The following OCA2 variants were observed in gnomAD, a reference collection of about 807,000 sequenced individuals.
The protein encoded by OCA2 is OCA2 melanosomal transmembrane protein, also known as P protein.
In OCA2, 77 loss-of-function variants were observed where a neutral mutation model predicts 100.2. The ratio of observed to expected loss-of-function variants is 0.77; its 90% CI spans 0.64 to 0.93. The LOEUF is 0.93. Among genes scored for constraint, OCA2 ranks in the 40% least tolerant of loss-of-function variants. The pLI is 0.00. For synonymous variants in OCA2, 432 were observed against 439.2 expected, an observed-to-expected ratio of 0.98 and a Z score of 0.21; for missense variants, 1,062 against 1,089.1, an observed-to-expected ratio of 0.98 and a Z score of 0.35.
chr15:27,731,324 A>C, the OCA2 span, among the ~76,000 whole-genome samples: 1 of 152,234 alleles, frequency 6.6e-6, no homozygotes. Context: ...GTTCTCAGTG[A>C]GAAAATTACC....
At chr15:28,081,509 A>G in intron 2 of OCA2, 139 bp downstream of exon 2, 1 of 730,570 alleles carries the variant, frequency 1.4e-6, no homozygotes, top group South Asian at 1.6e-5. Flanking sequence ...AAACTAAGCC[A>G]GGAAAGTGAT....
At chr15:28,069,389 TCCC>T (rs1566862447) in intron 2 of OCA2, among the ~76,000 whole-genome samples, 1 of 5,640 alleles carries the variant, frequency 1.8e-4, no homozygotes, top group Non-Finnish European at 2.7e-4. Flanking sequence ...TCCCTCCCCC[TCCC>T]CCTCCCCCTC....
chr15:27,876,205 C>T (rs1030642402), intron 19 of OCA2, among the ~76,000 whole-genome samples: 1 of 152,044 alleles, frequency 6.6e-6, no homozygotes, highest in Non-Finnish European at 1.5e-5. Context: ...AATGCTTTTT[C>T]TGCATTTATT....
At chr15:27,752,629 C>T (rs1181285455), downstream of OCA2, among the ~76,000 whole-genome samples, 3 of 152,118 alleles carry the variant, frequency 2.0e-5, no homozygotes, top group Admixed American at 6.5e-5. Context: ...GCTCAGTCCA[C>T]GTACAGAGGG....
intron 1 of OCA2, among the ~76,000 whole-genome samples, chr15:28,084,618 C>T (rs186356289): frequency 2.0e-5 from 3 of 152,288 alleles, no homozygotes; most frequent in Admixed American, 1.3e-4. Flanking sequence ...TCTCAAGGGG[C>T]CACTGGGCTG....
the OCA2 span, among the ~76,000 whole-genome samples, chr15:27,743,587 C>T: frequency 6.6e-6 from 1 of 152,122 alleles, no homozygotes; most frequent in African/African-American, 2.4e-5. Flanking sequence ...GATGGTCTGC[C>T]CACGTGTCAG....
rs1456169921 is a variant in OCA2, at chr15:27,770,962, C to T, written c.2433-15490G>A. ...TCCTTCCTTGCTTCCATCTTTCCTT[C>T]CTCCCTCCCTTCCTTTCCTTCTTTC... On this transcript the variant is annotated intron_variant, in intron 23 of 23. Coordinates refer to ENST00000354638, the MANE Select transcript of OCA2 (RefSeq NM_000275.3). Among the ~76,000 whole-genome samples the T allele has an allele frequency of 1.2e-4, 8 of 64,208 alleles. No homozygotes were observed. The East Asian group carries it at 3.8e-3, about 31-fold the overall frequency. 42.1% of individuals were successfully genotyped at this position (64,208 alleles called of 152,430 possible).
At chr15:27,863,774 G>A (rs2036221450) in intron 21 of OCA2, among the ~76,000 whole-genome samples, 1 of 152,098 alleles carries the variant, frequency 6.6e-6, no homozygotes, top group Admixed American at 6.5e-5. Flanking sequence ...CAGCAACTCA[G>A]GCCTAACACT....
chr15:27,966,834 C>T lies in OCA2; in HGVS notation c.1504-12G>A, dbSNP rs578173002. 1 of 1,605,894 alleles carries T rather than the reference C, an allele frequency of 6.2e-7. No homozygotes were observed. The highest frequency in any genetic ancestry group is 1.3e-5 in the African/African-American group (1 of 74,838). On this transcript the variant is annotated splice_polypyrimidine_tract_variant and intron_variant, in intron 14 of 23. Transcript: ENST00000354638. ...GCAAAGTCCAGGCCCTGGAAATAAA[C>T]AAGGGGAAATGAAATGGCAGCCCAG... is the stretch of plus-strand genomic sequence containing the variant.
chr15:28,093,915 T>C (rs1325925359), intron 1 of OCA2, among the ~76,000 whole-genome samples: 2 of 152,162 alleles, frequency 1.3e-5, no homozygotes, highest in Non-Finnish European at 2.9e-5. Flanking sequence ...AACAGGTTAG[T>C]GGTTGTCCGG....
rs114658622 is a variant in OCA2, at chr15:27,959,366, G to T, written c.1637-1631C>A. ...GAGGCTATGATAACATAAAAAGAAA[G>T]GGGAAGAGGAAGTGAAGGAAAAAAC... is the stretch of plus-strand genomic sequence containing the variant. On this transcript the variant is annotated intron_variant, in intron 15 of 23. Coordinates refer to ENST00000354638, the MANE Select transcript of OCA2 (RefSeq NM_000275.3). 2.2e-3 allele frequency among the ~76,000 whole-genome samples: 295 copies of T among 131,262 alleles called. 4 individuals are homozygous for T. The highest frequency in any genetic ancestry group is 7.0e-3 in the African/African-American group (287 of 40,736). The allele number at this position is 131,262 out of a possible 152,430, so 86.1% of individuals were successfully genotyped here. A position where few individuals can be genotyped will look rare whatever the true frequency, so the allele number is the denominator to read the frequency against.
In OCA2 at chr15:27,773,356, G is replaced by A. The variant is rs77091452; in HGVS notation, c.2433-17884C>T. On this transcript the variant is annotated intron_variant, in intron 23 of 23. Transcript: ENST00000354638. ...TAAATGAACCAGTATCCTTTGACCC[G>A]CCTAATAGAAAGTTTTAATTTCTCT... Among the ~76,000 whole-genome samples the A allele has an allele frequency of 7.8e-3, 1,180 of 152,048 alleles. 15 individuals carry two copies. The highest frequency in any genetic ancestry group is 0.025 in the East Asian group (131 of 5,176).
At chr15:27,746,008 C>G in the OCA2 span, among the ~76,000 whole-genome samples, 2 of 152,214 alleles carry the variant, frequency 1.3e-5, no homozygotes, top group Non-Finnish European at 2.9e-5. Flanking sequence ...CTTCTGCCCC[C>G]CTAAAATGTA....
In OCA2 at chr15:27,816,701, A is replaced by G. The variant is rs150365934; in HGVS notation, c.2432+28258T>C. ...CATGCCCAGGATGACGATACCCTAC[A>G]GCTACTGAATTTTCCCTTGCCCACA... On this transcript the variant is annotated intron_variant, in intron 23 of 23. Transcript: ENST00000354638. Among the ~76,000 whole-genome samples the G allele has an allele frequency of 2.3e-3, 356 of 152,176 alleles. 1 individual carries two copies. Among genetic ancestry groups the G allele is most frequent in the African/African-American group, 8.0e-3 (332 of 41,518 alleles).
intron 22 of OCA2, among the ~76,000 whole-genome samples, chr15:27,848,916 G>T (rs2035634613): frequency 6.6e-6 from 1 of 152,212 alleles, no homozygotes. Context: ...GCCACATGCT[G>T]CCTGGATTGG....
chr15:27,807,828 C>T (rs2033918976), intron 23 of OCA2, among the ~76,000 whole-genome samples: 1 of 152,206 alleles, frequency 6.6e-6, no homozygotes, highest in South Asian at 2.1e-4. Context: ...GGTTACATAA[C>T]CTGGGCATTA....
In OCA2 at chr15:27,872,691, A is replaced by AT. The variant is rs10572418; in HGVS notation, c.2080-770dup. ...TGCGCTTTTTTCTTTTAATTTTTTA[A>AT]TTTTTTTTTTTTTTTTGAGACAGAG... On this transcript the variant is annotated intron_variant, in intron 19 of 23. Coordinates refer to ENST00000354638, the MANE Select transcript of OCA2 (RefSeq NM_000275.3). Among the ~76,000 whole-genome samples, 775 of 142,446 alleles carry AT rather than the reference A, an allele frequency of 5.4e-3. 1 individual carries two copies. Among genetic ancestry groups the AT allele is most frequent in the East Asian group, 0.013 (64 of 4,918 alleles). 93.5% of individuals were successfully genotyped at this position (142,446 alleles called of 152,430 possible).
At position 27,793,975 on chromosome 15, in the gene OCA2, G is replaced by A. The variant is rs114518113; in HGVS notation, c.2433-38503C>T. The stretch of plus-strand genomic sequence containing the variant: ...CATCCCACTAGCCGGCACTTGGTGG[G>A]ACTGTGTGTCACTGGGGGCTGGGGA... On this transcript the variant is annotated intron_variant, in intron 23 of 23. Transcript: ENST00000354638. Among the ~76,000 whole-genome samples the A allele has an allele frequency of 2.8e-3, 428 of 152,326 alleles. 6 individuals are homozygous for A. The highest frequency in any genetic ancestry group is 9.8e-3 in the African/African-American group (406 of 41,574).
chr15:27,948,686 G>A (rs531575703), intron 18 of OCA2, among the ~76,000 whole-genome samples: 84 of 152,052 alleles, frequency 5.5e-4, no homozygotes, highest in Admixed American at 2.6e-3. Context: ...GGCCGGTCTC[G>A]AACTCCTGGG....
Sources: gnomAD v4.1 joint callset for allele counts (sites outside exome capture counted in the v4.1 genomes callset) on GRCh38, gnomAD v4.1.1 for gene constraint, MANE v1.5 for transcripts, NCBI Gene and HGNC (gene_info 2026-07-23, HGNC 2026-07-21) for gene names.